Variants in ZPBP observed in about 807,000 individuals in gnomAD.
ZPBP encodes the protein zona pellucida-binding protein 1.
In ZPBP, 26 loss-of-function variants were observed where a neutral mutation model predicts 44.8. That is an observed-to-expected ratio of 0.58 (90% CI 0.43 to 0.81). The LOEUF is 0.81. ZPBP is among the 30% of genes least tolerant of loss of function. The pLI is 0.00. For missense variants in ZPBP, 409 were observed against 434.0 expected, an observed-to-expected ratio of 0.94 and a Z score of 0.51; for synonymous variants, 174 against 153.2, an observed-to-expected ratio of 1.14 and a Z score of -1.00.
chr7:49,877,481 A>AAAAAAAATATACATATATATAT, intron 2 of ZPBP, among the ~76,000 whole-genome samples: 1 of 12,722 alleles, frequency 7.9e-5, no homozygotes, highest in African/African-American at 2.8e-4. Flanking sequence ...AAAAAAAAAA[A>AAAAAAAATATACATATATATAT]ATATATATAT....
rs1165997797 is a variant in ZPBP, at chr7:50,010,904, C to G, written c.783+7336G>C. Reference sequence around the variant, plus strand: ...AGGCCCCACATAGCCAAAGCAAGACCAAGCAAAAAAAAAAAAAAAAAAAAC... The same window carrying G: ...AGGCCCCACATAGCCAAAGCAAGACGAAGCAAAAAAAAAAAAAAAAAAAAC... On this transcript the variant is annotated intron_variant, in intron 6 of 7. Transcript: ENST00000046087. 1.1e-3 allele frequency among the ~76,000 whole-genome samples: 95 copies of G among 83,126 alleles called. 4 individuals carry two copies. Among genetic ancestry groups the G allele is most frequent in the Non-Finnish European group, 3.2e-4 (13 of 41,094 alleles). The allele number at this position is 83,126 out of a possible 152,430, so 54.5% of individuals were successfully genotyped here. A position where few individuals can be genotyped will look rare whatever the true frequency, so the allele number is the denominator to read the frequency against.
At chr7:50,013,199 AAT>A (rs1177063054) in intron 6 of ZPBP, among the ~76,000 whole-genome samples, 2 of 151,930 alleles carry the variant, frequency 1.3e-5, no homozygotes, top group African/African-American at 4.8e-5. Flanking sequence ...ATTATTTTAT[AAT>A]ATAGTTATTT....
intron 3 of ZPBP, among the ~76,000 whole-genome samples, chr7:50,081,203 T>C (rs1356880801): frequency 1.3e-5 from 2 of 151,680 alleles, no homozygotes; most frequent in Non-Finnish European, 3.0e-5. Context: ...AGCAATAAGA[T>C]TTTTAAAAAG....
At chr7:50,082,934 T>C (rs142246895) in intron 2 of ZPBP, among the ~76,000 whole-genome samples, 53 of 152,056 alleles carry the variant, frequency 3.5e-4, no homozygotes, top group African/African-American at 1.3e-3. Context: ...CATGATTTAC[T>C]GGCCCTACTC....
chr7:49,866,398 G>C (rs1358683732), intron 2 of ZPBP, among the ~76,000 whole-genome samples: 2 of 152,184 alleles, frequency 1.3e-5, no homozygotes, highest in East Asian at 1.9e-4. Context: ...AATGCTGCAG[G>C]CTCACTTAGG....
chr7:50,028,799 T>TA (rs1799455033), intron 5 of ZPBP, among the ~76,000 whole-genome samples: 1 of 151,916 alleles, frequency 6.6e-6, no homozygotes, highest in Non-Finnish European at 1.5e-5. Flanking sequence ...GGACTATAGT[T>TA]ATACACTGAA....
rs150801817 is a variant in ZPBP, at chr7:49,965,889, C to T, written c.961+17453G>A. Among the ~76,000 whole-genome samples the T allele has an allele frequency of 6.2e-3, 944 of 151,986 alleles. 7 individuals are homozygous for T. Among genetic ancestry groups the T allele is most frequent in the African/African-American group, 0.021 (880 of 41,496 alleles). On this transcript the variant is annotated intron_variant, in intron 7 of 7. Transcript: ENST00000046087. ...ACCAAAATAAAAACACAAATTCTAC[C>T]TAATAGGTCAAGTCAGATAAATGGA...
chr7:49,998,000 C>T (rs892910107), intron 6 of ZPBP, among the ~76,000 whole-genome samples: 1 of 152,130 alleles, frequency 6.6e-6, no homozygotes, highest in Non-Finnish European at 1.5e-5. Context: ...TCACTGCAAC[C>T]TCTGCCTCCT....
At chr7:49,915,812 G>A (rs1295366478) in intron 1 of ZPBP, 9 of 152,082 alleles carry the variant, frequency 5.9e-5, no homozygotes, top group Non-Finnish European at 8.8e-5. Context: ...CCAACATAAT[G>A]TTATTATGAA....
At chr7:49,866,008 T>C (rs1340679683) in intron 2 of ZPBP, among the ~76,000 whole-genome samples, 1 of 152,234 alleles carries the variant, frequency 6.6e-6, no homozygotes, top group South Asian at 2.1e-4. Flanking sequence ...ACCTTGCTTT[T>C]ATCATTTTTT....
At chr7:49,986,446 C>A (rs1367217079) in intron 6 of ZPBP, among the ~76,000 whole-genome samples, 2 of 152,194 alleles carry the variant, frequency 1.3e-5, no homozygotes, top group Non-Finnish European at 2.9e-5. Flanking sequence ...TCCTGCGTGG[C>A]AGGCTGGCCA....
At chr7:50,007,958 AT>A (rs1253752514) in intron 6 of ZPBP, among the ~76,000 whole-genome samples, 1 of 152,040 alleles carries the variant, frequency 6.6e-6, no homozygotes, top group East Asian at 1.9e-4. Flanking sequence ...AAGATTACAA[AT>A]AAGACGAAGA....
At chr7:49,970,080 C>G (rs752137753) in intron 7 of ZPBP, among the ~76,000 whole-genome samples, 1 of 152,078 alleles carries the variant, frequency 6.6e-6, no homozygotes, top group African/African-American at 2.4e-5. Flanking sequence ...AGACTGATCT[C>G]GAACTCCCGA....
chr7:49,849,108 T>C (rs766566783), downstream of ZPBP, among the ~76,000 whole-genome samples: 63 of 152,208 alleles, frequency 4.1e-4, 1 homozygote, highest in Non-Finnish European at 6.9e-4. Flanking sequence ...CTGTATTTCT[T>C]ATTTCTCAGA....
chr7:49,859,112 G>A (rs530373913), intron 2 of ZPBP, among the ~76,000 whole-genome samples: 79 of 152,322 alleles, frequency 5.2e-4, no homozygotes, highest in Non-Finnish European at 1.1e-3. Context: ...GCATACCTTA[G>A]AGGAGAATTT....
intron 2 of ZPBP, among the ~76,000 whole-genome samples, chr7:49,900,756 T>C (rs1405786178): frequency 6.6e-6 from 1 of 151,892 alleles, no homozygotes; most frequent in East Asian, 1.9e-4. Flanking sequence ...ATCAATATTT[T>C]ACAATTTCTT....
intron 3 of ZPBP, among the ~76,000 whole-genome samples, chr7:50,075,181 T>C (rs1161549492): frequency 6.6e-6 from 1 of 151,728 alleles, no homozygotes; most frequent in Non-Finnish European, 1.5e-5. Flanking sequence ...CAGTGGGTTG[T>C]TAAAGAAATT....
chr7:49,929,024 G>C (rs547971371), intron 1 of ZPBP, among the ~76,000 whole-genome samples: 1 of 152,260 alleles, frequency 6.6e-6, no homozygotes, highest in South Asian at 2.1e-4. Flanking sequence ...TTTCCAAGCA[G>C]AGAGCACCTT....
chr7:50,034,313 C>T (rs1233281431), intron 4 of ZPBP, among the ~76,000 whole-genome samples: 2 of 151,954 alleles, frequency 1.3e-5, no homozygotes, highest in African/African-American at 4.8e-5. Flanking sequence ...CCCTAGACAT[C>T]AAAACTGCTT....
Sources: gnomAD v4.1 joint callset for allele counts (sites outside exome capture counted in the v4.1 genomes callset) on GRCh38, gnomAD v4.1.1 for gene constraint, MANE v1.5 for transcripts, NCBI Gene and HGNC (gene_info 2026-07-23, HGNC 2026-07-21) for gene names.